The following FMN1 variants were observed in gnomAD, a reference collection of about 807,000 sequenced individuals.
The protein encoded by FMN1 is formin 1.
Under a neutral mutation model 132.4 loss-of-function variants are expected in FMN1, and 110 were observed. That is an observed-to-expected ratio of 0.83 (90% CI 0.71 to 0.97). The LOEUF (loss-of-function observed/expected upper bound fraction) is 0.97, where lower values mean the gene tolerates loss of function less well. FMN1 is among the 50% of genes least tolerant of loss of function. The pLI, the probability that FMN1 is intolerant of heterozygous loss-of-function variation, is 0.00. For synonymous variants in FMN1, 722 were observed against 651.7 expected, an observed-to-expected ratio of 1.11 and a Z score of -1.64; for missense variants, 1,792 against 1,705.3, an observed-to-expected ratio of 1.05 and a Z score of -0.90.
chr15:32,935,633 CT>C (rs35444350), intron 9 of FMN1, among the ~76,000 whole-genome samples: 123 of 145,626 alleles, frequency 8.4e-4, no homozygotes, highest in East Asian at 1.8e-3. Context: ...TTTCTTTACT[CT>C]TTTTTTTTTT....
intron 10 of FMN1, among the ~76,000 whole-genome samples, chr15:32,925,670 A>C (rs2060941830): frequency 6.6e-6 from 1 of 152,236 alleles, no homozygotes; most frequent in South Asian, 2.1e-4. Context: ...GTATACAAAC[A>C]ACAGGGACAT....
chr15:33,097,647 CAGAG>C (rs995255401), intron 4 of FMN1, among the ~76,000 whole-genome samples: 4 of 152,094 alleles, frequency 2.6e-5, no homozygotes, highest in South Asian at 2.1e-4. Context: ...GGAGGGCAGA[CAGAG>C]AGATAAACAG....
In FMN1 at chr15:32,969,084, C is replaced by G. The variant is rs372119445; in HGVS notation, c.2617G>C (p.Ala873Pro). 1.3e-6 allele frequency: 2 copies of G among 1,598,682 alleles called. No homozygotes were observed. Among genetic ancestry groups the G allele is most frequent in the South Asian group, 2.3e-5 (2 of 88,768 alleles). ...AGGGGCGGAGGGGGAGGGATGGATG[C>G]GGGAGGCGGAGGCAATGCCTTCTGC... Reference protein sequence around the residue: ...NQQKALPPPPASIPPPPPLPS... With the variant: ...NQQKALPPPPPSIPPPPPLPS... The change falls in exon 8 of 21, where the codon GCA becomes CCA. Residue 873 changes from alanine (A) to proline (P), a missense_variant. Around this residue, in one of 3 missense-constraint regions of FMN1, gnomAD observed 1,150 missense variants for 1,043.1 expected, o/e 1.10. Coordinates refer to ENST00000616417, the MANE Select transcript of FMN1 (RefSeq NM_001277313.2).
chr15:32,931,441 A>T (rs931159199), intron 9 of FMN1, among the ~76,000 whole-genome samples: 11 of 151,972 alleles, frequency 7.2e-5, no homozygotes, highest in Non-Finnish European at 1.3e-4. Flanking sequence ...TAAGTATTTC[A>T]TTTTTTTGGA....
chr15:33,186,783 C>T (rs1965902819), intron 2 of FMN1, among the ~76,000 whole-genome samples: 1 of 152,196 alleles, frequency 6.6e-6, no homozygotes. Flanking sequence ...TTCATAAAAT[C>T]AGAGAAAGAG....
In FMN1 at chr15:32,894,501, A is replaced by AG. The variant is rs1555488319; in HGVS notation, c.3714+4332_3714+4333insC. On this transcript the variant is annotated intron_variant, in intron 15 of 20. Coordinates refer to ENST00000616417, the MANE Select transcript of FMN1 (RefSeq NM_001277313.2). ...TCCATCTCAATTAAAAAAAAAAAAAAAGAGAGACAACAATGAATTCTGAAC... is the reference window on the plus strand; with the variant it reads ...TCCATCTCAATTAAAAAAAAAAAAAAGAGAGAGACAACAATGAATTCTGAAC... Among the ~76,000 whole-genome samples, 5 of 151,276 alleles carry AG rather than the reference A, an allele frequency of 3.3e-5. 1 individual carries two copies. Among genetic ancestry groups the AG allele is most frequent in the South Asian group, 4.2e-4 (2 of 4,734 alleles).
At position 33,187,207 on chromosome 15, in the gene FMN1, C is replaced by G. The variant is rs1965917140; in HGVS notation, c.-197+6702G>C. On this transcript the variant is annotated intron_variant, in intron 2 of 20. Transcript: ENST00000616417. ...TATTTTCCCCTTTGCTTAACCCCCACTAAGGCAGGTATTAGAATTGGAATT... is the reference window on the plus strand; with the variant it reads ...TATTTTCCCCTTTGCTTAACCCCCAGTAAGGCAGGTATTAGAATTGGAATT... 2.0e-5 allele frequency among the ~76,000 whole-genome samples: 3 copies of G among 152,158 alleles called. No individual in the cohort carries two copies. The South Asian group carries it at 6.2e-4, about 32-fold the overall frequency.
chr15:33,081,978 G>C (rs918376747), intron 5 of FMN1, among the ~76,000 whole-genome samples: 1 of 151,918 alleles, frequency 6.6e-6, no homozygotes, highest in African/African-American at 2.4e-5. Flanking sequence ...GAAGGGGATT[G>C]TGATGAGCCT....
chr15:32,979,555 CAAAAAAAA>C (rs66993265), intron 7 of FMN1, among the ~76,000 whole-genome samples: 1 of 57,448 alleles, frequency 1.7e-5, no homozygotes, highest in Non-Finnish European at 3.9e-5. Context: ...GACTCTGTCT[CAAAAAAAA>C]AAAAAAAAAA....
At chr15:32,860,322 T>C (rs2059240478) in intron 16 of FMN1, among the ~76,000 whole-genome samples, 1 of 152,142 alleles carries the variant, frequency 6.6e-6, no homozygotes, top group Non-Finnish European at 1.5e-5. Flanking sequence ...TTTCTTCATC[T>C]TAACTAGATT....
At chr15:32,859,077 T>C (rs2059203998) in intron 16 of FMN1, among the ~76,000 whole-genome samples, 1 of 152,168 alleles carries the variant, frequency 6.6e-6, no homozygotes, top group African/African-American at 2.4e-5. Context: ...GAGTGGGCAA[T>C]GGGTTGCTGG....
intron 9 of FMN1, 76 bp downstream of exon 9, chr15:32,964,031 A>ACACACT: frequency 1.0e-6 from 1 of 998,216 alleles, no homozygotes; most frequent in Admixed American, 2.1e-5. Context: ...ACACACACAC[A>ACACACT]CACACACACA....
chr15:32,886,261 G>C (rs1004519697), intron 16 of FMN1, among the ~76,000 whole-genome samples: 3 of 152,132 alleles, frequency 2.0e-5, no homozygotes, highest in African/African-American at 7.2e-5. Context: ...TGTGTGAGGT[G>C]GGGGGAGTCA....
Position 33,128,578 on chromosome 15 carries a change from G to A in FMN1, c.1867+24470C>T, listed in dbSNP as rs368439261. Among the ~76,000 whole-genome samples, 75 of 152,326 alleles carry A rather than the reference G, an allele frequency of 4.9e-4. 1 individual carries two copies. Among genetic ancestry groups the A allele is most frequent in the African/African-American group, 1.8e-3 (74 of 41,582 alleles). ...GTCCGGAGTTTCTTGCTTCCGATGC[G>A]TTCGTGGTCTAACTTCACAAACATA... On this transcript the variant is annotated intron_variant, in intron 4 of 20. Coordinates refer to ENST00000616417, the MANE Select transcript of FMN1 (RefSeq NM_001277313.2).
chr15:32,870,037 G>A (rs974819089), intron 16 of FMN1, among the ~76,000 whole-genome samples: 1 of 152,176 alleles, frequency 6.6e-6, no homozygotes, highest in Non-Finnish European at 1.5e-5. Flanking sequence ...CTAAAAGATA[G>A]CTCTAGTTTT....
At chr15:33,069,088 A>C (rs2037881829) in intron 5 of FMN1, among the ~76,000 whole-genome samples, 1 of 152,208 alleles carries the variant, frequency 6.6e-6, no homozygotes, top group African/African-American at 2.4e-5. Context: ...AAAGGGCAAA[A>C]CATCTGAAAA....
At chr15:33,162,353 A>C (rs985430154) in intron 3 of FMN1, among the ~76,000 whole-genome samples, 1 of 152,184 alleles carries the variant, frequency 6.6e-6, no homozygotes, top group African/African-American at 2.4e-5. Context: ...AGAACGTAGG[A>C]ATAATAACAA....
At chr15:33,012,954 C>G (rs2034815009) in intron 6 of FMN1, 1 of 476,264 alleles carries the variant, frequency 2.1e-6, no homozygotes, top group Non-Finnish European at 4.1e-6. Context: ...AGGGAAAAAA[C>G]TTTGGAGGCA....
intron 6 of FMN1, among the ~76,000 whole-genome samples, chr15:33,032,268 C>G (rs1042791352): frequency 6.6e-6 from 1 of 152,150 alleles, no homozygotes; most frequent in Non-Finnish European, 1.5e-5. Flanking sequence ...GTTTTAATGA[C>G]TCATTCGTTG....
Sources: gnomAD v4.1 joint callset for allele counts (sites outside exome capture counted in the v4.1 genomes callset) on GRCh38, gnomAD v4.1.1 for gene constraint, gnomAD v4.1.1 regional missense constraint, MANE v1.5 for transcripts, NCBI Gene and HGNC (gene_info 2026-07-23, HGNC 2026-07-21) for gene names.